Variants in GPATCH2 observed in about 807,000 individuals in gnomAD.
The protein encoded by GPATCH2 is G-patch domain containing 2.
A neutral mutation model predicts 58.0 loss-of-function variants in GPATCH2; 51 were observed. The observed-to-expected ratio is 0.88, with a 90% confidence interval of 0.70 to 1.11. The LOEUF is 1.11. Among genes scored for constraint, GPATCH2 ranks in the 50% most tolerant of loss-of-function variants. GPATCH2 has a pLI of 0.00. For synonymous variants in GPATCH2, 222 were observed against 218.5 expected (o/e 1.02, Z -0.14); for missense variants, 625 against 652.2 (o/e 0.96, Z 0.45).
chr1:217,572,490 C>T (rs1420039385), intron 5 of GPATCH2, among the ~76,000 whole-genome samples: 1 of 152,116 alleles, frequency 6.6e-6, no homozygotes, highest in Non-Finnish European at 1.5e-5. Context: ...TTCGTGGGCA[C>T]CCTGTGTTTG....
chr1:217,441,688 T>C (rs1223718779), intron 9 of GPATCH2, among the ~76,000 whole-genome samples: 1 of 152,120 alleles, frequency 6.6e-6, no homozygotes, highest in African/African-American at 2.4e-5. Context: ...GCAAAGGATA[T>C]GAACAGACAC....
intron 8 of GPATCH2, among the ~76,000 whole-genome samples, chr1:217,488,857 TA>T (rs1465530834): frequency 2.7e-5 from 4 of 146,002 alleles, no homozygotes; most frequent in South Asian, 2.1e-4. Flanking sequence ...ATAGACTATT[TA>T]AAATTTTTTT....
intron 5 of GPATCH2, among the ~76,000 whole-genome samples, chr1:217,591,653 T>C (rs1667597151): frequency 6.6e-6 from 1 of 152,132 alleles, no homozygotes; most frequent in Admixed American, 6.5e-5. Flanking sequence ...ATTACAGTTA[T>C]TGTTAGTCTA....
chr1:217,497,063 G>C (rs920132111), intron 7 of GPATCH2, among the ~76,000 whole-genome samples: 5 of 152,088 alleles, frequency 3.3e-5, no homozygotes, highest in African/African-American at 1.2e-4. Context: ...AAGCAACCAG[G>C]TATACCATAG....
At chr1:217,527,077 T>C (rs1474545349) in intron 5 of GPATCH2, among the ~76,000 whole-genome samples, 1 of 142,658 alleles carries the variant, frequency 7.0e-6, no homozygotes, top group East Asian at 1.9e-4. Flanking sequence ...TGTATTACAA[T>C]GTAATAATGA....
chr1:217,461,072 G>A (rs2102487664), intron 8 of GPATCH2, among the ~76,000 whole-genome samples: 1 of 152,134 alleles, frequency 6.6e-6, no homozygotes, highest in Admixed American at 6.5e-5. Flanking sequence ...TTTCTGAGTA[G>A]GACTACTAAA....
chr1:217,497,367 A>G (rs1005801295), intron 7 of GPATCH2, among the ~76,000 whole-genome samples: 1 of 152,200 alleles, frequency 6.6e-6, no homozygotes, highest in Admixed American at 6.5e-5. Flanking sequence ...TGTGAGAAGT[A>G]TCTTTAAAAT....
chr1:217,498,014 T>C (rs991775134), intron 7 of GPATCH2, among the ~76,000 whole-genome samples: 19 of 152,212 alleles, frequency 1.2e-4, no homozygotes, highest in Non-Finnish European at 2.1e-4. Context: ...TTAGATTTAA[T>C]ACAAATTAAT....
At chr1:217,609,049 A>G in intron 5 of GPATCH2, 1 of 793,290 alleles carries the variant, frequency 1.3e-6, no homozygotes, top group Non-Finnish European at 1.5e-6. Flanking sequence ...TTAACAATTA[A>G]TCCATACAAT....
Position 217,431,261 on chromosome 1 carries a change from T to TG in GPATCH2, c.1470dup (p.Lys491GlnfsTer5). 1 of 1,604,648 alleles carries TG rather than the reference T, an allele frequency of 6.2e-7. No homozygotes were observed. Among genetic ancestry groups the TG allele is most frequent in the South Asian group, 1.1e-5 (1 of 90,868 alleles). ...GCTTGAATTGGCTCAGAGATCCCCT[T>TG]GCCATCTCGTCCAAGGCCTGACCCA... is the stretch of plus-strand genomic sequence containing the variant. On this transcript the variant is annotated frameshift_variant, in exon 10 of 10. Transcript: ENST00000366935. LOFTEE classifies it high-confidence loss of function.
At chr1:217,621,723 AG>A (rs1322608722) in intron 1 of GPATCH2, among the ~76,000 whole-genome samples, 3 of 152,226 alleles carry the variant, frequency 2.0e-5, no homozygotes, top group Non-Finnish European at 4.4e-5. Flanking sequence ...CAATAATTTC[AG>A]GCTTTTGCAA....
chr1:217,440,728 G>T (rs265134), intron 9 of GPATCH2, among the ~76,000 whole-genome samples: 27,721 of 151,964 alleles, frequency 0.18, 2,860 homozygotes, highest in African/African-American at 0.29. Flanking sequence ...CAAACGGAGA[G>T]CCAAATCATG....
At chr1:217,493,643 T>A (rs1661856787) in intron 7 of GPATCH2, among the ~76,000 whole-genome samples, 1 of 152,148 alleles carries the variant, frequency 6.6e-6, no homozygotes, top group South Asian at 2.1e-4. Context: ...AATCCATTAA[T>A]CTGAAAGTGT....
intron 8 of GPATCH2, among the ~76,000 whole-genome samples, chr1:217,478,661 A>C (rs1023528561): frequency 2.0e-5 from 3 of 152,180 alleles, no homozygotes; most frequent in Non-Finnish European, 2.9e-5. Flanking sequence ...GTATGAGAGT[A>C]ATTGGCCTTA....
intron 6 of GPATCH2, among the ~76,000 whole-genome samples, chr1:217,508,943 G>A (rs911356568): frequency 1.3e-5 from 2 of 152,052 alleles, no homozygotes; most frequent in African/African-American, 4.8e-5. Context: ...ATAATTACTA[G>A]ATGTTATTTA....
chr1:217,554,761 A>G (rs753952682), intron 5 of GPATCH2, among the ~76,000 whole-genome samples: 45 of 152,216 alleles, frequency 3.0e-4, no homozygotes, highest in Non-Finnish European at 5.6e-4. Flanking sequence ...ATGTTACTAC[A>G]CTGGAGTGTT....
chr1:217,515,326 G>C (rs369061225), intron 5 of GPATCH2, among the ~76,000 whole-genome samples: 7 of 152,098 alleles, frequency 4.6e-5, no homozygotes, highest in African/African-American at 1.4e-4. Flanking sequence ...TCGATCTCCT[G>C]CCCTCGTGAT....
intron 6 of GPATCH2, among the ~76,000 whole-genome samples, chr1:217,503,925 T>C (rs1053498869): frequency 6.6e-6 from 1 of 152,134 alleles, no homozygotes; most frequent in African/African-American, 2.4e-5. Context: ...CAGTTATTAT[T>C]ACCATTCTGC....
intron 5 of GPATCH2, among the ~76,000 whole-genome samples, chr1:217,580,300 T>A (rs939914032): frequency 6.6e-6 from 1 of 152,058 alleles, no homozygotes; most frequent in Admixed American, 6.6e-5. Context: ...ACACAAAGGA[T>A]GAAACAAAGG....
Sources: allele counts gnomAD v4.1 joint callset (sites outside exome capture counted in the v4.1 genomes callset), GRCh38; gene constraint gnomAD v4.1.1; transcripts MANE v1.5; gene names NCBI Gene and HGNC (gene_info 2026-07-23, HGNC 2026-07-21).